CEP112: variants seen among roughly 807,000 people sequenced by gnomAD.
CEP112 encodes centrosomal protein 112.
Under a neutral mutation model 153.0 loss-of-function variants are expected in CEP112, and 127 were observed. That is an observed-to-expected ratio of 0.83 (90% confidence interval 0.72 to 0.96). The LOEUF (loss-of-function observed/expected upper bound fraction) is 0.96. Among genes scored for constraint, CEP112 ranks in the 40% least tolerant of loss-of-function variants. The probability of loss-of-function intolerance (pLI) is 0.00; values close to 1 mark genes in which losing one functional copy is unlikely to be tolerated. For synonymous variants in CEP112, 358 were observed against 374.4 expected, an observed-to-expected ratio of 0.96 and a Z score of 0.51; for missense variants, 1,089 against 1,101.2, an observed-to-expected ratio of 0.99 and a Z score of 0.16.
intron 16 of CEP112, among the ~76,000 whole-genome samples, chr17:66,008,370 T>C (rs1394721668): frequency 6.6e-6 from 1 of 152,092 alleles, no homozygotes; most frequent in Non-Finnish European, 1.5e-5. Flanking sequence ...AAACTTTTAT[T>C]TTTGAGACAG....
At chr17:65,814,456 G>A (rs531582742) in intron 21 of CEP112, among the ~76,000 whole-genome samples, 41 of 152,238 alleles carry the variant, frequency 2.7e-4, no homozygotes, top group Middle Eastern at 3.4e-3. Context: ...TTATTCAAAC[G>A]ATTTAAGCAT....
chr17:65,712,439 T>C (rs1324362671), intron 23 of CEP112, among the ~76,000 whole-genome samples: 2 of 151,474 alleles, frequency 1.3e-5, no homozygotes, highest in Admixed American at 1.3e-4. Context: ...CCTGGAGAAA[T>C]GACGGCTAAC....
intron 17 of CEP112, among the ~76,000 whole-genome samples, chr17:65,967,233 T>C (rs2062447083): frequency 1.3e-5 from 2 of 152,296 alleles, no homozygotes; most frequent in Non-Finnish European, 2.9e-5. Flanking sequence ...AGCATGTTAG[T>C]TATAAATAGG....
intron 16 of CEP112, among the ~76,000 whole-genome samples, chr17:66,009,393 T>A (rs2064417276): frequency 6.6e-6 from 1 of 152,180 alleles, no homozygotes; most frequent in African/African-American, 2.4e-5. Flanking sequence ...TTTTTAAACA[T>A]CAGGTTATTT....
intron 4 of CEP112, among the ~76,000 whole-genome samples, chr17:66,166,663 C>T (rs570938426): frequency 4.6e-5 from 7 of 151,844 alleles, no homozygotes; most frequent in Non-Finnish European, 7.4e-5. Context: ...TTTGGGAGGC[C>T]GAGGGAGGGG....
In CEP112 at chr17:65,650,372, A is replaced by T. The variant is rs78842520; in HGVS notation, c.2698-9307T>A. Among the ~76,000 whole-genome samples, 1,151 of 152,260 alleles carry T rather than the reference A, an allele frequency of 7.6e-3. 17 individuals are homozygous for T. Among genetic ancestry groups the T allele is most frequent in the African/African-American group, 0.026 (1,082 of 41,562 alleles). ...CCTGAGTGTGGCAGGCATGAGCTTC[A>T]TTAGCAAAAACGGGCCCCACACCAG... On this transcript the variant is annotated intron_variant, in intron 24 of 26. Transcript: ENST00000535342.
intron 12 of CEP112, among the ~76,000 whole-genome samples, chr17:66,036,068 T>C (rs2065727013): frequency 6.6e-6 from 1 of 152,218 alleles, no homozygotes; most frequent in Non-Finnish European, 1.5e-5. Flanking sequence ...TGTTACAACT[T>C]GAGTGAATCT....
chr17:66,083,071 T>C (rs1000781570), intron 8 of CEP112, among the ~76,000 whole-genome samples: 1 of 152,162 alleles, frequency 6.6e-6, no homozygotes, highest in Non-Finnish European at 1.5e-5. Flanking sequence ...CCTTCATGAC[T>C]GATATGGTTT....
intron 23 of CEP112, among the ~76,000 whole-genome samples, chr17:65,732,810 GC>G (rs1274324056): frequency 2.6e-5 from 4 of 152,174 alleles, no homozygotes; most frequent in African/African-American, 7.2e-5. Flanking sequence ...GAAATTTATG[GC>G]CTTTGCTCTG....
intron 18 of CEP112, among the ~76,000 whole-genome samples, chr17:65,946,123 C>G (rs2061641462): frequency 6.6e-6 from 1 of 152,170 alleles, no homozygotes; most frequent in Non-Finnish European, 1.5e-5. Flanking sequence ...CTTCCCCAAC[C>G]TGGAGTGCCC....
rs1375190907 is a variant in CEP112 at position 65,738,093 on chromosome 17, T to C, written c.2607+4975A>G. On this transcript the variant is annotated intron_variant, in intron 23 of 26. Coordinates refer to ENST00000535342, the MANE Select transcript of CEP112 (RefSeq NM_001199165.4). ...ATACAGGTTAGCCAGAAGACATTCT[T>C]AAACATGAAAAAACTCAGGGAAGAC... Among the ~76,000 whole-genome samples, 5 of 152,276 alleles carry C rather than the reference T, an allele frequency of 3.3e-5. No homozygotes were observed. The South Asian group carries it at 8.3e-4, about 25-fold the overall frequency.
At chr17:65,947,335 A>G (rs10853065) in intron 18 of CEP112, among the ~76,000 whole-genome samples, 72,590 of 151,842 alleles carry the variant, frequency 0.48, 18,340 homozygotes, top group East Asian at 0.89. Context: ...CTACAACAGT[A>G]GCTAGTAGAG....
chr17:66,020,601 T>A (rs925243183), intron 16 of CEP112, among the ~76,000 whole-genome samples: 1 of 152,220 alleles, frequency 6.6e-6, no homozygotes, highest in Admixed American at 6.5e-5. Flanking sequence ...CCATATGTAA[T>A]TTTAACTTGT....
chr17:66,095,236 T>C (rs1188431102), intron 8 of CEP112, among the ~76,000 whole-genome samples: 1 of 152,032 alleles, frequency 6.6e-6, no homozygotes, highest in Non-Finnish European at 1.5e-5. Context: ...ATAGAATCAA[T>C]ATAAAGTGTC....
chr17:65,837,668 GAA>G (rs2057370503), intron 21 of CEP112, among the ~76,000 whole-genome samples: 3 of 152,230 alleles, frequency 2.0e-5, no homozygotes, highest in Admixed American at 2.0e-4. Context: ...GTGGGGAAAA[GAA>G]AGACAGATCA....
chr17:65,683,133 C>G (rs1249062238), intron 24 of CEP112, among the ~76,000 whole-genome samples: 2 of 152,108 alleles, frequency 1.3e-5, no homozygotes, highest in Admixed American at 6.6e-5. Flanking sequence ...GTGAGGGTAT[C>G]TGGGACTCTG....
intron 21 of CEP112, among the ~76,000 whole-genome samples, chr17:65,817,173 G>A (rs2056317342): frequency 6.6e-6 from 1 of 151,928 alleles, no homozygotes; most frequent in Non-Finnish European, 1.5e-5. Flanking sequence ...AATTTTAAAT[G>A]AAGTATAATA....
chr17:65,715,453 G>T (rs564954818), intron 23 of CEP112, among the ~76,000 whole-genome samples: 2 of 151,940 alleles, frequency 1.3e-5, no homozygotes, highest in South Asian at 2.1e-4. Context: ...AACCATAAAA[G>T]AAATTTTTTT....
intron 24 of CEP112, among the ~76,000 whole-genome samples, chr17:65,669,882 G>A (rs1308713065): frequency 3.4e-5 from 5 of 148,424 alleles, no homozygotes; most frequent in African/African-American, 5.0e-5. Context: ...CAGCCTGGGC[G>A]ACAGAGCGAG....
Sources: gnomAD v4.1 joint callset for allele counts (sites outside exome capture counted in the v4.1 genomes callset) on GRCh38, gnomAD v4.1.1 for gene constraint, MANE v1.5 for transcripts, NCBI Gene and HGNC (gene_info 2026-07-23, HGNC 2026-07-21) for gene names.